GRM7: variants seen among roughly 807,000 people sequenced by gnomAD.
The protein encoded by GRM7 is metabotropic glutamate receptor 7.
GRM7 carries 35 observed loss-of-function variants against 84.5 expected under a neutral mutation model. That is an observed-to-expected ratio of 0.41 (90% CI 0.32 to 0.55). The LOEUF is 0.55. GRM7 is among the 20% of genes least tolerant of loss of function. GRM7 has a pLI of 0.19. For synonymous variants in GRM7, 487 were observed against 455.1 expected, an observed-to-expected ratio of 1.07 and a Z score of -0.89; for missense variants, 1,003 against 1,194.6, an observed-to-expected ratio of 0.84 and a Z score of 2.36.
chr3:7,555,053 G>T (rs1030843858), intron 7 of GRM7, among the ~76,000 whole-genome samples: 3 of 152,126 alleles, frequency 2.0e-5, no homozygotes, highest in Non-Finnish European at 4.4e-5. Context: ...TCCTGACTCT[G>T]CTCCTTACCA....
intron 1 of GRM7, among the ~76,000 whole-genome samples, chr3:6,975,255 G>A (rs868666805): frequency 9.2e-5 from 14 of 152,134 alleles, no homozygotes; most frequent in East Asian, 1.9e-4. Flanking sequence ...AAGAAGAAGC[G>A]AGAAATGGTC....
chr3:7,393,186 C>G (rs1169189887), intron 4 of GRM7, among the ~76,000 whole-genome samples: 1 of 152,162 alleles, frequency 6.6e-6, no homozygotes, highest in Non-Finnish European at 1.5e-5. Flanking sequence ...TCTCCCCTGT[C>G]TCTCCTCGGG....
At chr3:7,546,302 C>A (rs1177243616) in intron 7 of GRM7, among the ~76,000 whole-genome samples, 2 of 152,196 alleles carry the variant, frequency 1.3e-5, no homozygotes, top group Non-Finnish European at 2.9e-5. Flanking sequence ...GCATAGCCAT[C>A]CATCTATCCC....
Position 6,984,576 on chromosome 3 carries a change from C to A in GRM7, c.519+122669C>A, listed in dbSNP as rs548303212. Among the ~76,000 whole-genome samples the A allele has an allele frequency of 1.3e-5, 2 of 152,000 alleles. 1 individual carries two copies. Among genetic ancestry groups the A allele is most frequent in the South Asian group, 4.1e-4 (2 of 4,826 alleles). ...GAAATTAATTTTTATTATGAATCAC[C>A]TTTTTTTCTCTACCCTGTGAACATT... is the stretch of plus-strand genomic sequence containing the variant. On this transcript the variant is annotated intron_variant, in intron 1 of 9. Transcript: ENST00000357716.
intron 1 of GRM7, among the ~76,000 whole-genome samples, chr3:6,944,509 C>G (rs1003799586): frequency 1.3e-5 from 2 of 152,112 alleles, no homozygotes; most frequent in Non-Finnish European, 2.9e-5. Flanking sequence ...GCCAGCCTTA[C>G]ATTTTTAGGA....
Position 6,861,828 on chromosome 3 carries a change from C to T in GRM7, c.440C>T (p.Pro147Leu), listed in dbSNP as rs751709827. ...GGCGAACCGCCGGTTTTCGTCAAGCCGGAGAAAGTAGTTGGAGTGATTGGG... is the reference window on the plus strand; with the variant it reads ...GGCGAACCGCCGGTTTTCGTCAAGCTGGAGAAAGTAGTTGGAGTGATTGGG... ...TNGEPPVFVK[P>L]EKVVGVIGAS... Residue 147 changes from proline (P) to leucine (L), a missense_variant, in exon 1 of 10, where the codon CCG becomes CTG. By Grantham distance (98) the Pro-to-Leu change is moderately conservative. This residue lies in a region of GRM7 where 910 missense variants were observed against 1,126.0 expected (regional missense o/e 0.81). Coordinates refer to ENST00000357716, the MANE Select transcript of GRM7 (RefSeq NM_000844.4). This position sits in a 1 kb window ranked among gnomAD's most constrained non-coding sequence, Gnocchi z 6.4. 6.2e-7 allele frequency: 1 copy of T among 1,614,046 alleles called. No homozygotes were observed. The highest frequency in any genetic ancestry group is 8.5e-7 in the Non-Finnish European group (1 of 1,180,036).
At chr3:7,247,252 GAC>G (rs916607898) in intron 2 of GRM7, among the ~76,000 whole-genome samples, 1 of 151,884 alleles carries the variant, frequency 6.6e-6, no homozygotes, top group African/African-American at 2.4e-5. Context: ...AATTTTTCAA[GAC>G]ACAAATAGCA....
At chr3:7,199,645 C>G (rs756623377) in intron 2 of GRM7, among the ~76,000 whole-genome samples, 8 of 152,146 alleles carry the variant, frequency 5.3e-5, no homozygotes, top group Non-Finnish European at 1.2e-4. Context: ...CCACTGGCAT[C>G]TAGTTGGGAG....
At chr3:7,463,119 GT>G (rs1260591638) in intron 7 of GRM7, among the ~76,000 whole-genome samples, 1 of 101,576 alleles carries the variant, frequency 9.8e-6, no homozygotes, top group Non-Finnish European at 2.6e-5. Flanking sequence ...TCAAATAAAG[GT>G]AAGAGAATCA....
chr3:6,874,447 G>A (rs1426708504), intron 1 of GRM7, among the ~76,000 whole-genome samples: 2 of 152,094 alleles, frequency 1.3e-5, no homozygotes, highest in Non-Finnish European at 2.9e-5. Context: ...CATCATCATT[G>A]CCATCCTTAC....
chr3:6,966,758 C>G (rs1215360081), intron 1 of GRM7, among the ~76,000 whole-genome samples: 2 of 152,224 alleles, frequency 1.3e-5, no homozygotes, highest in East Asian at 1.9e-4. Context: ...ACTAGTAAAA[C>G]AAAAGAGTCT....
intron 9 of GRM7, among the ~76,000 whole-genome samples, chr3:7,712,635 G>T (rs1028101082): frequency 7.3e-6 from 1 of 137,636 alleles, no homozygotes; most frequent in African/African-American, 2.7e-5. Flanking sequence ...TTTTTTCTTT[G>T]TTCTTTTTTT....
chr3:7,727,266 A>T (rs1321104752), intron 9 of GRM7, among the ~76,000 whole-genome samples: 2 of 152,206 alleles, frequency 1.3e-5, no homozygotes, highest in Non-Finnish European at 2.9e-5. Context: ...ATTGCAAATT[A>T]TATTGTACAT....
intron 1 of GRM7, among the ~76,000 whole-genome samples, chr3:7,017,469 A>C (rs1382989818): frequency 6.6e-6 from 1 of 152,228 alleles, no homozygotes; most frequent in Admixed American, 6.5e-5. Flanking sequence ...GCTAAACAGT[A>C]TTGAACGGAA....
chr3:7,384,514 A>G lies in GRM7; in HGVS notation c.1034-30509A>G, dbSNP rs183343514. ...AGTAGCCATATTTTAAAAAGGTAAA[A>G]ATAAATAGGTGAAATTAAGTTTATA... On this transcript the variant is annotated intron_variant, in intron 4 of 9. Coordinates refer to ENST00000357716, the MANE Select transcript of GRM7 (RefSeq NM_000844.4). 1.4e-4 allele frequency among the ~76,000 whole-genome samples: 21 copies of G among 152,338 alleles called. No individual in the cohort carries two copies. In the East Asian group the frequency reaches 4.0e-3, roughly 29 times the overall value.
At chr3:7,092,252 A>G (rs1375424813) in intron 1 of GRM7, among the ~76,000 whole-genome samples, 3 of 152,216 alleles carry the variant, frequency 2.0e-5, no homozygotes, top group African/African-American at 4.8e-5. Flanking sequence ...AACTTTTTCC[A>G]TGCCTGATTA....
intron 3 of GRM7, among the ~76,000 whole-genome samples, chr3:7,299,146 A>C (rs183000529): frequency 6.6e-6 from 1 of 152,340 alleles, no homozygotes; most frequent in African/African-American, 2.4e-5. Flanking sequence ...GGTTCTCTTA[A>C]TGTAAAAGAA....
At chr3:7,685,470 C>T (rs1353715576) in intron 9 of GRM7, among the ~76,000 whole-genome samples, 1 of 152,030 alleles carries the variant, frequency 6.6e-6, no homozygotes, top group South Asian at 2.1e-4. Context: ...GGGTGGACAG[C>T]GAGGGACACA....
At chr3:7,561,955 T>A (rs1230317074) in intron 7 of GRM7, among the ~76,000 whole-genome samples, 1 of 152,128 alleles carries the variant, frequency 6.6e-6, no homozygotes, top group Non-Finnish European at 1.5e-5. Flanking sequence ...ACATGAAAGA[T>A]ACCAGAAAGC....
Sources: allele counts gnomAD v4.1 joint callset (sites outside exome capture counted in the v4.1 genomes callset), GRCh38; gene constraint gnomAD v4.1.1; regional missense constraint gnomAD v4.1.1; non-coding constraint Gnocchi (gnomAD v3.1); transcripts MANE v1.5; gene names NCBI Gene and HGNC (gene_info 2026-07-23, HGNC 2026-07-21).